SCAMP1: variants seen among roughly 807,000 people sequenced by gnomAD.
SCAMP1 encodes secretory carrier-associated membrane protein 1.
SCAMP1 carries 15 observed loss-of-function variants against 41.8 expected under a neutral mutation model. The ratio of observed to expected loss-of-function variants is 0.36; its 90% confidence interval spans 0.24 to 0.55. The LOEUF (loss-of-function observed/expected upper bound fraction) is 0.55. Ranked by LOEUF, SCAMP1 falls within the 20% of genes least tolerant of loss-of-function variation. SCAMP1 has a pLI of 0.86. For missense variants in SCAMP1, 341 were observed against 412.6 expected, an observed-to-expected ratio of 0.83 and a Z score of 1.50; for synonymous variants, 135 against 136.8, an observed-to-expected ratio of 0.99 and a Z score of 0.09.
Position 78,459,278 on chromosome 5 carries a change from A to G in SCAMP1, c.768A>G (p.Gln256=), listed in dbSNP as rs1419933831. Residue 256 remains glutamine (Q), a synonymous_variant, in exon 8 of 9, where the codon CAA becomes CAG. Transcript: ENST00000621999. ...TTTCATCCCTTACTGGTCTCAACCA[A>G]AATATTCCTGTTGGAATCATGATGA... The part of the protein sequence containing the change: ...GWISSLTGLN[Q]NIPVGIMMII... 1.2e-6 allele frequency: 2 copies of G among 1,605,140 alleles called. No individual in the cohort carries two copies. Among genetic ancestry groups the G allele is most frequent in the Admixed American group, 3.3e-5 (2 of 59,808 alleles).
intron 2 of SCAMP1, 38 bp from the exon 3 acceptor site, chr5:78,415,482 T>G: frequency 8.0e-7 from 1 of 1,252,826 alleles, no homozygotes. Flanking sequence ...AAGTTGGATC[T>G]CTGTGTTACA....
intron 2 of SCAMP1, among the ~76,000 whole-genome samples, chr5:78,401,664 C>G (rs1327897484): frequency 1.3e-5 from 2 of 151,994 alleles, no homozygotes; most frequent in Non-Finnish European, 2.9e-5. Flanking sequence ...GTCTATGGGA[C>G]CTTAGTGGAT....
chr5:78,394,331 C>CT (rs200889548), intron 2 of SCAMP1, among the ~76,000 whole-genome samples: 42 of 151,484 alleles, frequency 2.8e-4, no homozygotes, highest in Admixed American at 6.6e-4. Flanking sequence ...CTTCGAAAAT[C>CT]TTTTTTTTAT....
intron 1 of SCAMP1, among the ~76,000 whole-genome samples, chr5:78,364,628 A>C (rs7703407): frequency 0.45 from 68,033 of 151,802 alleles, 16,050 homozygotes; most frequent in Non-Finnish European, 0.5. Flanking sequence ...TTTGATACCA[A>C]AATTCTTGTT....
intron 7 of SCAMP1, among the ~76,000 whole-genome samples, chr5:78,454,897 C>A (rs1753346210): frequency 2.0e-5 from 3 of 152,114 alleles, no homozygotes; most frequent in Admixed American, 2.0e-4. Context: ...CAACTTCTTC[C>A]TGGTTTAGTC....
chr5:78,387,193 A>G (rs1697687667), intron 1 of SCAMP1, among the ~76,000 whole-genome samples: 1 of 152,040 alleles, frequency 6.6e-6, no homozygotes, highest in South Asian at 2.1e-4. Context: ...GGTTAATTCG[A>G]AAGCCTTGTG....
chr5:78,422,442 G>C (rs1339184618), intron 6 of SCAMP1, among the ~76,000 whole-genome samples: 1 of 151,828 alleles, frequency 6.6e-6, no homozygotes, highest in East Asian at 1.9e-4. Flanking sequence ...TTCAAAGGCA[G>C]CACCATTTTA....
At chr5:78,391,755 G>A (rs1316037474) in intron 2 of SCAMP1, among the ~76,000 whole-genome samples, 1 of 152,178 alleles carries the variant, frequency 6.6e-6, no homozygotes, top group Non-Finnish European at 1.5e-5. Flanking sequence ...CTGCAATCCC[G>A]GCACCTCAGA....
intron 6 of SCAMP1, among the ~76,000 whole-genome samples, chr5:78,444,927 T>C (rs1429416659): frequency 6.6e-6 from 1 of 152,222 alleles, no homozygotes; most frequent in East Asian, 1.9e-4. Context: ...CTTAATACTT[T>C]GCCCAAAGTT....
At chr5:78,441,588 C>T (rs576093361) in intron 6 of SCAMP1, among the ~76,000 whole-genome samples, 111 of 152,166 alleles carry the variant, frequency 7.3e-4, no homozygotes, top group African/African-American at 2.4e-3. Context: ...CCGAGGCAGG[C>T]GGATTACCTG....
chr5:78,404,686 C>T (rs1751889090), intron 2 of SCAMP1, among the ~76,000 whole-genome samples: 1 of 152,066 alleles, frequency 6.6e-6, no homozygotes, highest in African/African-American at 2.4e-5. Flanking sequence ...TATTTCCCTT[C>T]CCCCAGGTGA....
At chr5:78,428,173 T>A (rs1360713033) in intron 6 of SCAMP1, among the ~76,000 whole-genome samples, 1 of 152,200 alleles carries the variant, frequency 6.6e-6, no homozygotes, top group African/African-American at 2.4e-5. Context: ...TTATCTCTTG[T>A]GTTTAGGTGT....
chr5:78,395,493 C>G lies in SCAMP1; in HGVS notation c.135+6579C>G, dbSNP rs537878856. Among the ~76,000 whole-genome samples the G allele has an allele frequency of 7.7e-4, 117 of 152,318 alleles. 1 individual carries two copies. The highest frequency in any genetic ancestry group is 6.8e-3 in the Middle Eastern group (2 of 294). On this transcript the variant is annotated intron_variant, in intron 2 of 8. Transcript: ENST00000621999. ...AATTACCATAAACTTAGCTGTGGCT[C>G]AGGAGTTCAGATACAGCATTACTTA...
chr5:78,365,623 TA>T (rs1440893152), intron 1 of SCAMP1, among the ~76,000 whole-genome samples: 1 of 151,898 alleles, frequency 6.6e-6, no homozygotes, highest in Non-Finnish European at 1.5e-5. Context: ...AAGCTAAAAA[TA>T]ATTAAGTGCT....
chr5:78,458,367 G>T lies in SCAMP1; in HGVS notation c.735-878G>T, dbSNP rs190601240. On this transcript the variant is annotated intron_variant, in intron 7 of 8. Coordinates refer to ENST00000621999, the MANE Select transcript of SCAMP1 (RefSeq NM_004866.6). ...TTTTAGCCATCCTAATAGGTGTGTAGTGATATCTCATTGTGGTTTTGAACA... is the reference window on the plus strand; with the variant it reads ...TTTTAGCCATCCTAATAGGTGTGTATTGATATCTCATTGTGGTTTTGAACA... Among the ~76,000 whole-genome samples the T allele has an allele frequency of 9.2e-4, 140 of 152,280 alleles. 1 individual carries two copies. The highest frequency in any genetic ancestry group is 6.8e-3 in the Middle Eastern group (2 of 294).
chr5:78,408,388 G>A (rs1452732594), intron 2 of SCAMP1, among the ~76,000 whole-genome samples: 1 of 152,114 alleles, frequency 6.6e-6, no homozygotes, highest in Non-Finnish European at 1.5e-5. Flanking sequence ...GGGAATTATG[G>A]GAGCTGCAAT....
chr5:78,389,366 G>A (rs2112086280), intron 2 of SCAMP1, among the ~76,000 whole-genome samples: 1 of 152,214 alleles, frequency 6.6e-6, no homozygotes, highest in Admixed American at 6.5e-5. Context: ...TGGCAGAGTA[G>A]AACCTCTGGA....
At chr5:78,403,367 T>C (rs1223980823) in intron 2 of SCAMP1, among the ~76,000 whole-genome samples, 2 of 152,160 alleles carry the variant, frequency 1.3e-5, no homozygotes, top group Admixed American at 1.3e-4. Context: ...TGTCATTCAT[T>C]TCGCTGATAT....
intron 2 of SCAMP1, 39 bp from the exon 3 acceptor site, chr5:78,415,479 ATC>A (rs1384765544): frequency 8.3e-7 from 1 of 1,204,272 alleles, no homozygotes; most frequent in South Asian, 1.4e-5. Context: ...TTAAAGTTGG[ATC>A]TCTGTGTTAC....
Sources: gnomAD v4.1 joint callset for allele counts (sites outside exome capture counted in the v4.1 genomes callset) on GRCh38, gnomAD v4.1.1 for gene constraint, MANE v1.5 for transcripts, NCBI Gene and HGNC (gene_info 2026-07-23, HGNC 2026-07-21) for gene names.